The following AHI1 variants were observed in gnomAD, a reference collection of about 807,000 sequenced individuals.
AHI1 encodes Abelson helper integration site 1, also known as jouberin.
A neutral mutation model predicts 149.3 loss-of-function variants in AHI1; 123 were observed. The ratio of observed to expected loss-of-function variants is 0.82; its 90% CI spans 0.71 to 0.96. The LOEUF is 0.96. Ranked by LOEUF, AHI1 falls within the 40% of genes least tolerant of loss-of-function variation. The pLI is 0.00. For missense variants in AHI1, 1,439 were observed against 1,422.7 expected (o/e 1.01, Z -0.18); for synonymous variants, 475 against 459.8 (o/e 1.03, Z -0.42).
intron 24 of AHI1, among the ~76,000 whole-genome samples, chr6:135,323,729 T>C (rs189470517): frequency 6.6e-6 from 1 of 152,310 alleles, no homozygotes; most frequent in Non-Finnish European, 1.5e-5. Context: ...TCTACAGTTT[T>C]ACAAAAAGGA....
At chr6:135,435,918 A>G (rs112036255) in intron 15 of AHI1, among the ~76,000 whole-genome samples, 121 of 152,276 alleles carry the variant, frequency 7.9e-4, no homozygotes, top group African/African-American at 2.6e-3. Flanking sequence ...GAAAGAAGAG[A>G]TGAACACCAC....
intron 5 of AHI1, among the ~76,000 whole-genome samples, chr6:135,480,976 T>C (rs537999301): frequency 5.3e-5 from 8 of 151,714 alleles, no homozygotes; most frequent in African/African-American, 1.9e-4. Flanking sequence ...CCTGAAACCA[T>C]CCCCCCCGGC....
intron 23 of AHI1, chr6:135,387,802 T>G: frequency 7.4e-7 from 1 of 1,347,278 alleles, no homozygotes; most frequent in Non-Finnish European, 9.5e-7. Context: ...TACTGTTTAT[T>G]CTCCCAATAT....
At chr6:135,296,490 C>T (rs1379116201) in intron 27 of AHI1, among the ~76,000 whole-genome samples, 2 of 152,210 alleles carry the variant, frequency 1.3e-5, no homozygotes, top group African/African-American at 4.8e-5. Context: ...TATCCAATCT[C>T]TCCCAGTTTC....
chr6:135,475,312 T>A (rs4895448), intron 5 of AHI1, among the ~76,000 whole-genome samples: 1 of 152,200 alleles, frequency 6.6e-6, no homozygotes, highest in Non-Finnish European at 1.5e-5. Flanking sequence ...ATCAGCCTGG[T>A]TACAGGTAGT....
intron 24 of AHI1, among the ~76,000 whole-genome samples, chr6:135,332,956 T>C (rs960597377): frequency 6.6e-6 from 1 of 152,246 alleles, no homozygotes; most frequent in African/African-American, 2.4e-5. Context: ...TCTTTAAATG[T>C]ATTATAATTT....
chr6:135,382,020 A>ACC (rs1776837293), intron 23 of AHI1, among the ~76,000 whole-genome samples: 1 of 152,242 alleles, frequency 6.6e-6, no homozygotes, highest in Non-Finnish European at 1.5e-5. Context: ...TTCTCAAAAA[A>ACC]AGGATGGAAA....
intron 23 of AHI1, among the ~76,000 whole-genome samples, chr6:135,368,839 G>A (rs1774597274): frequency 6.6e-6 from 1 of 152,226 alleles, no homozygotes; most frequent in South Asian, 2.1e-4. Context: ...GAGAAAGCAA[G>A]CAGGGCTTTT....
At chr6:135,416,934 G>A (rs1171162008) in intron 20 of AHI1, among the ~76,000 whole-genome samples, 2 of 152,068 alleles carry the variant, frequency 1.3e-5, no homozygotes, top group Admixed American at 1.3e-4. Flanking sequence ...TTTCTCTGTA[G>A]ATTGTTGTGG....
chr6:135,340,111 C>T (rs954602919), intron 24 of AHI1, among the ~76,000 whole-genome samples: 1 of 152,176 alleles, frequency 6.6e-6, no homozygotes, highest in African/African-American at 2.4e-5. Flanking sequence ...GTGGCTCACG[C>T]CTGTAATCCC....
At chr6:135,290,562 A>G in intron 27 of AHI1, 37 bp from the exon 28 acceptor site, 1 of 1,610,862 alleles carries the variant, frequency 6.2e-7, no homozygotes, top group Non-Finnish European at 8.5e-7. Flanking sequence ...GGAGCCAGTA[A>G]AAGAGAGCTG....
intron 5 of AHI1, among the ~76,000 whole-genome samples, chr6:135,486,940 T>C (rs889183437): frequency 6.6e-6 from 1 of 152,040 alleles, no homozygotes; most frequent in Non-Finnish European, 1.5e-5. Context: ...GGTAAGTTTT[T>C]ATTTTTTGAG....
chr6:135,346,737 A>G (rs1791290041), intron 24 of AHI1, among the ~76,000 whole-genome samples: 1 of 152,044 alleles, frequency 6.6e-6, no homozygotes, highest in African/African-American at 2.4e-5. Context: ...GATACAAACA[A>G]TCACCTCCTC....
chr6:135,302,338 TACTGA>T, intron 26 of AHI1: 1 of 985,986 alleles, frequency 1.0e-6, no homozygotes, highest in Non-Finnish European at 1.2e-6. Context: ...AGAGAAGTCA[TACTGA>T]ACTATATACC....
At chr6:135,406,695 A>T (rs531549533) in intron 21 of AHI1, among the ~76,000 whole-genome samples, 1 of 152,334 alleles carries the variant, frequency 6.6e-6, no homozygotes, top group South Asian at 2.1e-4. Context: ...CATTCAATCC[A>T]TACTCCTATG....
intron 21 of AHI1, among the ~76,000 whole-genome samples, chr6:135,409,406 G>A (rs1386057803): frequency 2.0e-5 from 3 of 151,504 alleles, no homozygotes; most frequent in Admixed American, 1.3e-4. Context: ...TATTTCCCTA[G>A]TTTTTAAAAA....
chr6:135,312,084 T>C (rs921392884), intron 26 of AHI1, among the ~76,000 whole-genome samples: 1 of 152,264 alleles, frequency 6.6e-6, no homozygotes, highest in Non-Finnish European at 1.5e-5. Context: ...TTTTGCTTCT[T>C]ATTCTATAGC....
chr6:135,480,635 G>A (rs781683148), intron 5 of AHI1, among the ~76,000 whole-genome samples: 3 of 152,210 alleles, frequency 2.0e-5, no homozygotes, highest in Non-Finnish European at 4.4e-5. Flanking sequence ...ATTGAGTAAT[G>A]AGGACTTTGC....
rs572545350 is a variant in AHI1 at position 135,496,109 on chromosome 6, A to G, written c.-139-211T>C. ...TGATAACACAGCAAATACAGTACAG[A>G]AATCATCTCTAATTTTTTTTTTTTG... On this transcript the variant is annotated intron_variant, in intron 2 of 28. Coordinates refer to ENST00000265602, the MANE Select transcript of AHI1 (RefSeq NM_001134831.2). Among the ~76,000 whole-genome samples the G allele has an allele frequency of 5.7e-3, 873 of 152,238 alleles. 8 individuals carry two copies. Among genetic ancestry groups the G allele is most frequent in the South Asian group, 8.7e-3 (42 of 4,822 alleles).
Sources: gnomAD v4.1 joint callset for allele counts (sites outside exome capture counted in the v4.1 genomes callset) on GRCh38, gnomAD v4.1.1 for gene constraint, MANE v1.5 for transcripts, NCBI Gene and HGNC (gene_info 2026-07-23, HGNC 2026-07-21) for gene names.